Variants in COBL observed in about 807,000 individuals in gnomAD.
COBL encodes protein cordon-bleu.
COBL carries 51 observed loss-of-function variants against 98.8 expected under a neutral mutation model. The observed-to-expected ratio is 0.52, with a 90% CI of 0.41 to 0.65. COBL has a LOEUF of 0.65. Among genes scored for constraint, COBL ranks in the 30% least tolerant of loss-of-function variants. The pLI, the probability that COBL is intolerant of heterozygous loss-of-function variation, is 0.00. For missense variants in COBL, 1,617 were observed against 1,617.5 expected (o/e 1.00, Z 0.01); for synonymous variants, 634 against 651.7 (o/e 0.97, Z 0.41).
chr7:51,172,655 G>T, intron 5 of COBL: 1 of 430,690 alleles, frequency 2.3e-6, no homozygotes, highest in Non-Finnish European at 3.6e-6. Context: ...TCACTTAATA[G>T]GTGTAATCTT....
chr7:51,270,347 T>C (rs981386146), intron 1 of COBL, among the ~76,000 whole-genome samples: 1 of 152,218 alleles, frequency 6.6e-6, no homozygotes, highest in Non-Finnish European at 1.5e-5. Flanking sequence ...CCTCCAAAGA[T>C]GCAAATTCTT....
At position 51,028,304 on chromosome 7, in the gene COBL, C is replaced by T; in HGVS notation, c.2792G>A (p.Trp931Ter). Residue 931 changes from tryptophan to a stop codon, truncating the protein, a stop_gained, in exon 10 of 13, where the codon TGG (tryptophan) becomes TAG (stop). Coordinates refer to ENST00000265136, the MANE Select transcript of COBL (RefSeq NM_015198.5). LOFTEE classifies it high-confidence loss of function. The part of the protein sequence containing the change: ...ETQGWKDGAQ[W>*]PCVTPPNNHG... ...GTTGTTGGGAGGAGTGACACAGGGC[C>T]ACTGGGCACCATCCTTCCATCCTTG... is the stretch of plus-strand genomic sequence containing the variant. 6.2e-7 allele frequency: 1 copy of T among 1,614,226 alleles called. No individual in the cohort carries two copies. Among genetic ancestry groups the T allele is most frequent in the Non-Finnish European group, 8.5e-7 (1 of 1,180,040 alleles).
At chr7:51,079,966 T>TATC (rs1793471570) in intron 7 of COBL, among the ~76,000 whole-genome samples, 1 of 152,224 alleles carries the variant, frequency 6.6e-6, no homozygotes, top group Non-Finnish European at 1.5e-5. Flanking sequence ...CATGACCAAA[T>TATC]ATCAAGTACT....
At chr7:51,211,651 C>T (rs977257469) in intron 2 of COBL, among the ~76,000 whole-genome samples, 1 of 152,210 alleles carries the variant, frequency 6.6e-6, no homozygotes, top group Non-Finnish European at 1.5e-5. Context: ...AGATATTAGA[C>T]CCTTTCAAAG....
chr7:51,255,565 T>C (rs1797124495), intron 1 of COBL, among the ~76,000 whole-genome samples: 3 of 152,172 alleles, frequency 2.0e-5, no homozygotes, highest in Admixed American at 2.0e-4. Context: ...TGGCCAGGCC[T>C]GGGTTCACCC....
intron 8 of COBL, among the ~76,000 whole-genome samples, chr7:51,039,634 C>G (rs1160373243): frequency 6.6e-6 from 1 of 152,260 alleles, no homozygotes; most frequent in Admixed American, 6.5e-5. Context: ...CAATATAGCA[C>G]AGGGAATACT....
At chr7:51,155,793 T>C (rs1786068263) in intron 5 of COBL, among the ~76,000 whole-genome samples, 1 of 151,984 alleles carries the variant, frequency 6.6e-6, no homozygotes, top group Admixed American at 6.6e-5. Context: ...CAGGACTATT[T>C]AAGCCCTCCT....
chr7:51,112,216 A>T (rs969240789), intron 6 of COBL, among the ~76,000 whole-genome samples: 2 of 152,190 alleles, frequency 1.3e-5, no homozygotes, highest in African/African-American at 4.8e-5. Flanking sequence ...CTGTACATAG[A>T]GTAAGTATCT....
chr7:51,173,950 A>AT (rs888935486), intron 5 of COBL, among the ~76,000 whole-genome samples: 5 of 152,106 alleles, frequency 3.3e-5, no homozygotes, highest in East Asian at 1.9e-4. Flanking sequence ...CATACCTATA[A>AT]TTTTTTTTCC....
At chr7:51,141,787 C>A (rs1799774762) in intron 5 of COBL, among the ~76,000 whole-genome samples, 1 of 152,068 alleles carries the variant, frequency 6.6e-6, no homozygotes, top group South Asian at 2.1e-4. Context: ...ACGGGCACTC[C>A]CTGGGGTCTG....
chr7:51,139,187 T>C (rs35818049), intron 5 of COBL, among the ~76,000 whole-genome samples: 1,978 of 152,306 alleles, frequency 0.013, 16 homozygotes, highest in Non-Finnish European at 0.021. Flanking sequence ...ATCTTTAAAA[T>C]GGGGAAAAAT....
rs1443104376 is a variant in COBL, at chr7:51,028,775, T to C, written c.2321A>G (p.Asn774Ser). Residue 774 changes from asparagine to serine, a missense_variant, in exon 10 of 13, where the codon AAC becomes AGC. Asn to Ser is a conservative substitution (Grantham distance 46, BLOSUM62 1). Coordinates refer to ENST00000265136, the MANE Select transcript of COBL (RefSeq NM_015198.5). ...TCGGCCCAGGTGTTTTTCCACAGAG[T>C]TGCACCTCCAGAACTCTCTGACTTT... ...IGKVREFWRC[N>S]SVEKHLGRPS... The C allele has an allele frequency of 3.6e-5, 58 of 1,613,954 alleles. No homozygotes were observed. The highest frequency in any genetic ancestry group is 4.4e-5 in the Non-Finnish European group (52 of 1,180,028).
intron 8 of COBL, chr7:51,032,406 T>C (rs955351498): frequency 6.6e-6 from 1 of 152,232 alleles, no homozygotes; most frequent in African/African-American, 2.4e-5. Context: ...TCTATGGCAA[T>C]TGTCTATCTT....
At chr7:51,271,390 C>T (rs1038881812) in intron 1 of COBL, among the ~76,000 whole-genome samples, 16 of 152,210 alleles carry the variant, frequency 1.1e-4, no homozygotes, top group Non-Finnish European at 2.4e-4. Context: ...TGCTGGGCTA[C>T]TCCTTAGTAA....
chr7:51,273,627 G>C (rs558795745), intron 1 of COBL, among the ~76,000 whole-genome samples: 1 of 152,294 alleles, frequency 6.6e-6, no homozygotes, highest in South Asian at 2.1e-4. Flanking sequence ...GCTCTTGCCT[G>C]TCTGAGTGAC....
At chr7:51,237,583 A>G (rs1795386869) in intron 1 of COBL, among the ~76,000 whole-genome samples, 1 of 150,852 alleles carries the variant, frequency 6.6e-6, no homozygotes, top group Non-Finnish European at 1.5e-5. Flanking sequence ...GGGTGTAGTA[A>G]TACATATGCC....
Position 51,172,585 on chromosome 7 carries a change from CA to C in COBL, c.783+11516del, listed in dbSNP as rs979741142. ...TCCAGGTGAAAGTTCAGACAGAAAA[CA>C]TAGTCCTTAGCGATCATTAAGGCAA... On this transcript the variant is annotated intron_variant, in intron 5 of 12. Transcript: ENST00000265136. 2.4e-6 allele frequency: 3 copies of C among 1,239,554 alleles called. No homozygotes were observed. The Admixed American group carries it at 7.6e-5, about 31-fold the overall frequency. The allele number at this position is 1,239,554 out of a possible 1,614,324, so 76.8% of individuals were successfully genotyped here. A position where few individuals can be genotyped will look rare whatever the true frequency, so the allele number is the denominator to read the frequency against.
intron 3 of COBL, among the ~76,000 whole-genome samples, chr7:51,192,377 G>A (rs1790201646): frequency 6.6e-6 from 1 of 152,188 alleles, no homozygotes; most frequent in Non-Finnish European, 1.5e-5. Context: ...GGAGGCTGAG[G>A]TGGGTGGATC....
At chr7:51,139,694 T>C (rs1016451836) in intron 5 of COBL, among the ~76,000 whole-genome samples, 11 of 152,214 alleles carry the variant, frequency 7.2e-5, no homozygotes, top group African/African-American at 2.7e-4. Context: ...GCTTCATTTC[T>C]ATCTTCTTTC....
Sources: gnomAD v4.1 joint callset for allele counts (sites outside exome capture counted in the v4.1 genomes callset) on GRCh38, gnomAD v4.1.1 for gene constraint, MANE v1.5 for transcripts, NCBI Gene and HGNC (gene_info 2026-07-23, HGNC 2026-07-21) for gene names.